Variants in SHISA9 observed in about 807,000 individuals in gnomAD.
SHISA9 encodes the protein protein shisa-9.
Under a neutral mutation model 38.0 loss-of-function variants are expected in SHISA9, and 13 were observed. The ratio of observed to expected loss-of-function variants is 0.34; its 90% confidence interval spans 0.22 to 0.54. SHISA9 has a LOEUF of 0.54. Ranked by LOEUF, SHISA9 falls within the 20% of genes least tolerant of loss-of-function variation. The pLI is 0.91. For missense variants in SHISA9, 538 were observed against 575.8 expected (o/e 0.93, Z 0.67); for synonymous variants, 275 against 242.0 (o/e 1.14, Z -1.27).
chr16:13,029,720 C>G (rs78931896), intron 2 of SHISA9, among the ~76,000 whole-genome samples: 4,777 of 152,334 alleles, frequency 0.031, 162 homozygotes, highest in South Asian at 0.15. Flanking sequence ...ATAATGTGTT[C>G]TCACTTAATT....
At chr16:13,083,155 TGAG>T (rs2073672190) in intron 2 of SHISA9, among the ~76,000 whole-genome samples, 1 of 152,120 alleles carries the variant, frequency 6.6e-6, no homozygotes, top group South Asian at 2.1e-4. Context: ...AGGAGGAACT[TGAG>T]GAGAAGCAGA....
At chr16:13,292,261 A>G in the SHISA9 span, among the ~76,000 whole-genome samples, 3 of 151,912 alleles carry the variant, frequency 2.0e-5, no homozygotes, top group South Asian at 2.1e-4. Context: ...TGTCTTGACT[A>G]TTGCTTTTAA....
the SHISA9 span, among the ~76,000 whole-genome samples, chr16:13,355,293 G>A: frequency 2.6e-5 from 4 of 151,942 alleles, no homozygotes; most frequent in Non-Finnish European, 5.9e-5. Context: ...TTTTTAAAGT[G>A]TGCTGTGGGA....
chr16:13,292,350 A>C, the SHISA9 span, among the ~76,000 whole-genome samples: 2 of 152,110 alleles, frequency 1.3e-5, no homozygotes, highest in Admixed American at 6.6e-5. Flanking sequence ...ATTCCTGTCC[A>C]GATTACCAAG....
the SHISA9 span, among the ~76,000 whole-genome samples, chr16:13,450,846 T>TTC: frequency 3.3e-5 from 5 of 152,186 alleles, no homozygotes; most frequent in Non-Finnish European, 5.9e-5. Context: ...GCTTGAAAAT[T>TTC]TCTTGAGGAT....
intron 2 of SHISA9, among the ~76,000 whole-genome samples, chr16:13,162,606 C>T (rs1214318709): frequency 1.3e-5 from 2 of 152,132 alleles, no homozygotes; most frequent in Non-Finnish European, 2.9e-5. Context: ...GCAAATGGAA[C>T]GGGAAATAAG....
At chr16:13,167,583 G>A (rs2142017950) in intron 2 of SHISA9, among the ~76,000 whole-genome samples, 1 of 152,292 alleles carries the variant, frequency 6.6e-6, no homozygotes, top group South Asian at 2.1e-4. Context: ...TGGGGGCCAT[G>A]CCTAATGATT....
intron 2 of SHISA9, among the ~76,000 whole-genome samples, chr16:13,005,654 C>G (rs764755887): frequency 2.0e-5 from 3 of 152,184 alleles, no homozygotes; most frequent in Non-Finnish European, 2.9e-5. Flanking sequence ...GCCTCTATCA[C>G]TCAGGCCAGT....
At chr16:13,416,644 C>A in the SHISA9 span, among the ~76,000 whole-genome samples, 1 of 151,664 alleles carries the variant, frequency 6.6e-6, no homozygotes, top group African/African-American at 2.4e-5. Context: ...TCCAGGAGTT[C>A]GAGGCTGCAC....
intron 2 of SHISA9, among the ~76,000 whole-genome samples, chr16:13,152,394 A>G (rs2050507271): frequency 6.6e-6 from 1 of 152,194 alleles, no homozygotes; most frequent in South Asian, 2.1e-4. Context: ...TATAAGCAAG[A>G]GAAACTAACT....
chr16:12,947,800 C>A (rs559017060), intron 2 of SHISA9, among the ~76,000 whole-genome samples: 1 of 152,300 alleles, frequency 6.6e-6, no homozygotes, highest in East Asian at 1.9e-4. Flanking sequence ...CCTGGTTCCT[C>A]TGAGAAATAG....
chr16:13,135,799 G>C (rs1483866653), intron 2 of SHISA9, among the ~76,000 whole-genome samples: 1 of 152,168 alleles, frequency 6.6e-6, no homozygotes, highest in Non-Finnish European at 1.5e-5. Flanking sequence ...AAACCAGATT[G>C]CAGAATTAGT....
chr16:13,351,053 T>C, the SHISA9 span, among the ~76,000 whole-genome samples: 1 of 152,218 alleles, frequency 6.6e-6, no homozygotes, highest in Admixed American at 6.5e-5. Flanking sequence ...AAATTCTTTA[T>C]GTGAATATAT....
At chr16:13,272,032 T>C in the SHISA9 span, among the ~76,000 whole-genome samples, 2 of 151,442 alleles carry the variant, frequency 1.3e-5, no homozygotes, top group Non-Finnish European at 2.9e-5. Flanking sequence ...TGAGCTGCGA[T>C]TGTGCCACAG....
intron 2 of SHISA9, among the ~76,000 whole-genome samples, chr16:13,008,886 ATGAC>A (rs1315912774): frequency 2.0e-5 from 3 of 152,098 alleles, no homozygotes; most frequent in South Asian, 2.1e-4. Context: ...GAAATGTTTG[ATGAC>A]TGACTGAGTG....
the SHISA9 span, among the ~76,000 whole-genome samples, chr16:13,555,309 A>C: frequency 6.6e-6 from 1 of 152,196 alleles, no homozygotes; most frequent in Non-Finnish European, 1.5e-5. Context: ...TTCTGGGCTT[A>C]TAAACGTTAA....
At chr16:13,248,842 C>T in the SHISA9 span, among the ~76,000 whole-genome samples, 1 of 152,110 alleles carries the variant, frequency 6.6e-6, no homozygotes. Flanking sequence ...GCAGAAGTTA[C>T]GTAGAAGAAG....
intron 2 of SHISA9, among the ~76,000 whole-genome samples, chr16:13,050,581 T>C (rs2073239841): frequency 6.6e-6 from 1 of 152,188 alleles, no homozygotes; most frequent in Non-Finnish European, 1.5e-5. Context: ...GTCCGCTCTC[T>C]TCAGCCTCCC....
At chr16:13,510,311 AAAAC>A in the SHISA9 span, among the ~76,000 whole-genome samples, 3 of 152,202 alleles carry the variant, frequency 2.0e-5, no homozygotes, top group Non-Finnish European at 2.9e-5. Context: ...TCTGGCTCAA[AAAAC>A]AAACAAACAA....
Sources: gnomAD v4.1 joint callset for allele counts (sites outside exome capture counted in the v4.1 genomes callset) on GRCh38, gnomAD v4.1.1 for gene constraint, MANE v1.5 for transcripts, NCBI Gene and HGNC (gene_info 2026-07-23, HGNC 2026-07-21) for gene names.